The following SLC22A23 variants were observed in gnomAD, a reference collection of about 807,000 sequenced individuals.
The protein encoded by SLC22A23 is solute carrier family 22 member 23.
A neutral mutation model predicts 61.0 loss-of-function variants in SLC22A23; 26 were observed. That is an observed-to-expected ratio of 0.43 (90% CI 0.31 to 0.59). The LOEUF is 0.59. SLC22A23 is among the 20% of genes least tolerant of loss of function. The pLI is 0.11. For missense variants in SLC22A23, 796 were observed against 934.7 expected (o/e 0.85, Z 1.94); for synonymous variants, 430 against 413.9 (o/e 1.04, Z -0.47).
rs1772425863 is a variant in SLC22A23 at position 3,456,679 on chromosome 6, C to T, written c.-120G>A. The T allele has an allele frequency of 4.7e-6, 3 of 640,988 alleles. No individual in the cohort carries two copies. Among genetic ancestry groups the T allele is most frequent in the South Asian group, 6.7e-5 (1 of 14,898 alleles). The allele number at this position is 640,988 out of a possible 1,614,324, so 39.7% of individuals were successfully genotyped here. ...CGCTGCCGCCGAGGAGGGCCCGCGG[C>T]TCGAGAGAGAGCGCTCGGCGGCTCC... On this transcript the variant is annotated 5_prime_UTR_variant, in exon 1 of 10. Coordinates refer to ENST00000406686, the MANE Select transcript of SLC22A23 (RefSeq NM_015482.2). The surrounding 1 kb of genome is among the most constrained non-coding windows in gnomAD (Gnocchi z 7.1).
chr6:3,316,685 T>A (rs1356151715), intron 4 of SLC22A23, among the ~76,000 whole-genome samples: 1 of 152,228 alleles, frequency 6.6e-6, no homozygotes, highest in Non-Finnish European at 1.5e-5. Context: ...TCACCCAGGC[T>A]GCCGTGAAGT....
intron 4 of SLC22A23, among the ~76,000 whole-genome samples, chr6:3,316,597 C>T (rs539208362): frequency 5.3e-5 from 8 of 152,308 alleles, no homozygotes; most frequent in African/African-American, 1.7e-4. Context: ...GGGAGCTTGT[C>T]GAACTAGCAT....
At position 3,329,828 on chromosome 6, in the gene SLC22A23, G is replaced by A. The variant is rs1449042470; in HGVS notation, c.914-5826C>T. 6.6e-6 allele frequency among the ~76,000 whole-genome samples: 1 copy of A among 152,230 alleles called. No homozygotes were observed. The highest frequency in any genetic ancestry group is 1.9e-4 in the East Asian group (1 of 5,198). Reference sequence around the variant, plus strand: ...TGCCCCGGGCACTCTGCAGGCCCAAGGCCACTCTCGGGACAGGGCAAGTCT... The same window carrying A: ...TGCCCCGGGCACTCTGCAGGCCCAAAGCCACTCTCGGGACAGGGCAAGTCT... On this transcript the variant is annotated intron_variant, in intron 3 of 9. Coordinates refer to ENST00000406686, the MANE Select transcript of SLC22A23 (RefSeq NM_015482.2). This position sits in a 1 kb window ranked among gnomAD's most constrained non-coding sequence, Gnocchi z 4.8.
At chr6:3,450,059 T>C (rs780101381) in intron 1 of SLC22A23, among the ~76,000 whole-genome samples, 27 of 152,186 alleles carry the variant, frequency 1.8e-4, no homozygotes, top group African/African-American at 4.8e-4. Flanking sequence ...AGACAAAATA[T>C]GTAAATGAAA....
chr6:3,297,965 G>C lies in SLC22A23; in HGVS notation c.1210+126C>G. ...AGGTTGCCACATTGCCCTTGTGCAG[G>C]CCAAAAGGTCACAGGAGAATTGCAC... On this transcript the variant is annotated intron_variant, in intron 5 of 9. Coordinates refer to ENST00000406686, the MANE Select transcript of SLC22A23 (RefSeq NM_015482.2). This position sits in a 1 kb window ranked among gnomAD's most constrained non-coding sequence, Gnocchi z 4.3. 1 of 1,191,922 alleles carries C rather than the reference G, an allele frequency of 8.4e-7. No homozygotes were observed. Among genetic ancestry groups the C allele is most frequent in the South Asian group, 1.9e-5 (1 of 53,480 alleles). 73.8% of individuals were successfully genotyped at this position (1,191,922 alleles called of 1,614,324 possible). A position where few individuals can be genotyped will look rare whatever the true frequency, so the allele number is the denominator to read the frequency against.
chr6:3,436,346 G>A (rs1208371475), intron 1 of SLC22A23, among the ~76,000 whole-genome samples: 1 of 152,124 alleles, frequency 6.6e-6, no homozygotes, highest in African/African-American at 2.4e-5. Flanking sequence ...ATGTTGGTCA[G>A]GCTGGTCTCA....
At position 3,329,060 on chromosome 6, in the gene SLC22A23, C is replaced by T. The variant is rs756237465; in HGVS notation, c.914-5058G>A. ...GAGCCCCAGGGAGCACGCAAAGGTC[C>T]GAGCTGTGCTACTGAGCAGGGCTTG... On this transcript the variant is annotated intron_variant, in intron 3 of 9. Transcript: ENST00000406686. The surrounding 1 kb of genome is among the most constrained non-coding windows in gnomAD (Gnocchi z 4.8). 6.6e-6 allele frequency among the ~76,000 whole-genome samples: 1 copy of T among 152,170 alleles called. No homozygotes were observed. The highest frequency in any genetic ancestry group is 6.5e-5 in the Admixed American group (1 of 15,278).
At position 3,454,152 on chromosome 6, in the gene SLC22A23, T is replaced by C. The variant is rs546767581; in HGVS notation, c.654+1754A>G. 2.2e-3 allele frequency among the ~76,000 whole-genome samples: 334 copies of C among 152,260 alleles called. No homozygotes were observed. The highest frequency in any genetic ancestry group is 3.1e-3 in the Non-Finnish European group (214 of 68,014). On this transcript the variant is annotated intron_variant, in intron 1 of 9. Transcript: ENST00000406686. This position sits in a 1 kb window ranked among gnomAD's most constrained non-coding sequence, Gnocchi z 4.3. ...GGTTTCCCCTCTCAGTCTGGCCCAG[T>C]AACTGCAACGTGTCATCAAGCATCA...
rs1294635602 is a variant in SLC22A23 at position 3,414,095 on chromosome 6, C to G, written c.758+1657G>C. 6.6e-6 allele frequency among the ~76,000 whole-genome samples: 1 copy of G among 152,208 alleles called. No individual in the cohort carries two copies. Among genetic ancestry groups the G allele is most frequent in the Non-Finnish European group, 1.5e-5 (1 of 68,024 alleles). On this transcript the variant is annotated intron_variant, in intron 2 of 9. Coordinates refer to ENST00000406686, the MANE Select transcript of SLC22A23 (RefSeq NM_015482.2). The surrounding 1 kb of genome is among the most constrained non-coding windows in gnomAD (Gnocchi z 5.1). ...ACAAGAAGAAAGTTAAGAAAACAATCTTTAAACAATTTAAACTGTTACAGA... is the reference window on the plus strand; with the variant it reads ...ACAAGAAGAAAGTTAAGAAAACAATGTTTAAACAATTTAAACTGTTACAGA...
chr6:3,302,652 G>T (rs1761695502), intron 4 of SLC22A23, among the ~76,000 whole-genome samples: 1 of 152,124 alleles, frequency 6.6e-6, no homozygotes, highest in African/African-American at 2.4e-5. Context: ...TTTGTATGAA[G>T]AAATTTTTTA....
At chr6:3,395,143 G>A (rs1286475639) in intron 3 of SLC22A23, among the ~76,000 whole-genome samples, 1 of 152,188 alleles carries the variant, frequency 6.6e-6, no homozygotes, top group Non-Finnish European at 1.5e-5. Context: ...TCATGTCAGT[G>A]AAAAACTTAG....
rs772902475 is a variant in SLC22A23, at chr6:3,456,281, C to G, written c.279G>C (p.Gly93=). 5.8e-6 allele frequency: 9 copies of G among 1,551,184 alleles called. No individual in the cohort carries two copies. The African/African-American group carries it at 1.2e-4, about 21-fold the overall frequency. Reference sequence around the variant, plus strand: ...GCAGCACGAGGGTCTTCTGATAGCCCCCGCCCAGGCCCCCGAGGAAGGGCA... The same window carrying G: ...GCAGCACGAGGGTCTTCTGATAGCCGCCGCCCAGGCCCCCGAGGAAGGGCA... The part of the protein sequence containing the change: ...SVLPFLGGLG[G]GYQKTLVLLT... Residue 93 remains glycine (G), a synonymous_variant, in exon 1 of 10, where the codon GGG becomes GGC. Coordinates refer to ENST00000406686, the MANE Select transcript of SLC22A23 (RefSeq NM_015482.2). This position sits in a 1 kb window ranked among gnomAD's most constrained non-coding sequence, Gnocchi z 7.1.
intron 3 of SLC22A23, among the ~76,000 whole-genome samples, chr6:3,354,505 G>A (rs1257526906): frequency 6.6e-6 from 1 of 152,230 alleles, no homozygotes; most frequent in Non-Finnish European, 1.5e-5. Flanking sequence ...CGATATAGCA[G>A]AGACTCTGTG....
At chr6:3,280,835 AT>A (rs1759408310) in intron 9 of SLC22A23, among the ~76,000 whole-genome samples, 1 of 152,126 alleles carries the variant, frequency 6.6e-6, no homozygotes, top group African/African-American at 2.4e-5. Context: ...ACAGACTCTG[AT>A]ACTCCCTTAA....
intron 3 of SLC22A23, among the ~76,000 whole-genome samples, chr6:3,353,832 C>T (rs931473935): frequency 6.6e-5 from 10 of 152,218 alleles, no homozygotes; most frequent in Admixed American, 5.2e-4. Context: ...ACTCTCCCTT[C>T]TACCACCAGT....
At chr6:3,449,134 C>T (rs1772053689) in intron 1 of SLC22A23, among the ~76,000 whole-genome samples, 1 of 152,224 alleles carries the variant, frequency 6.6e-6, no homozygotes, top group South Asian at 2.1e-4. Flanking sequence ...ATCCTCTGAC[C>T]TTTCTAGCAA....
chr6:3,355,787 C>T (rs949057450), intron 3 of SLC22A23, among the ~76,000 whole-genome samples: 6 of 151,424 alleles, frequency 4.0e-5, no homozygotes, highest in African/African-American at 1.5e-4. Flanking sequence ...TCTCACTCAG[C>T]CCTGCACAAA....
chr6:3,302,056 C>T (rs1387476143), intron 4 of SLC22A23, among the ~76,000 whole-genome samples: 1 of 152,104 alleles, frequency 6.6e-6, no homozygotes, highest in East Asian at 1.9e-4. Context: ...GCAGTGAAGC[C>T]CTCTGGTCCT....
At chr6:3,284,873 A>C in intron 8 of SLC22A23, 1 of 1,528,686 alleles carries the variant, frequency 6.5e-7, no homozygotes, top group Non-Finnish European at 8.8e-7. Flanking sequence ...CAAACAGGGA[A>C]GCACCAGTCG....
Sources: allele counts gnomAD v4.1 joint callset (sites outside exome capture counted in the v4.1 genomes callset), GRCh38; gene constraint gnomAD v4.1.1; non-coding constraint Gnocchi (gnomAD v3.1); transcripts MANE v1.5; gene names NCBI Gene and HGNC (gene_info 2026-07-23, HGNC 2026-07-21).